Variants in PCNX2 observed in about 807,000 individuals in gnomAD.
PCNX2 encodes the protein pecanex 2, also known as pecanex-like protein 2.
Under a neutral mutation model 223.8 loss-of-function variants are expected in PCNX2, and 168 were observed. The observed-to-expected ratio is 0.75, with a 90% CI of 0.66 to 0.85. The LOEUF (loss-of-function observed/expected upper bound fraction) is 0.85, where lower values mean the gene tolerates loss of function less well. Ranked by LOEUF, PCNX2 falls within the 40% of genes least tolerant of loss-of-function variation. The pLI, the probability that PCNX2 is intolerant of heterozygous loss-of-function variation, is 0.00. For missense variants in PCNX2, 2,507 were observed against 2,675.5 expected (o/e 0.94, Z 1.39); for synonymous variants, 1,006 against 1,052.6 (o/e 0.96, Z 0.86).
chr1:233,110,167 TAAAC>T (rs1351906725), intron 21 of PCNX2, among the ~76,000 whole-genome samples: 3 of 151,674 alleles, frequency 2.0e-5, no homozygotes, highest in South Asian at 2.1e-4. Flanking sequence ...AATGAATAAA[TAAAC>T]AAACAACAAA....
intron 23 of PCNX2, among the ~76,000 whole-genome samples, chr1:233,085,422 G>A (rs1379021482): frequency 6.6e-6 from 1 of 152,042 alleles, no homozygotes; most frequent in East Asian, 1.9e-4. Context: ...AGAATTGAAG[G>A]TATATATAGA....
At chr1:233,123,239 A>G (rs1184909756) in intron 21 of PCNX2, among the ~76,000 whole-genome samples, 1 of 152,186 alleles carries the variant, frequency 6.6e-6, no homozygotes, top group African/African-American at 2.4e-5. Flanking sequence ...TCTCTATACT[A>G]TCTTCATGTC....
At chr1:233,143,427 C>T (rs1333465453) in intron 19 of PCNX2, among the ~76,000 whole-genome samples, 2 of 152,190 alleles carry the variant, frequency 1.3e-5, no homozygotes, top group Admixed American at 6.5e-5. Flanking sequence ...CTAAGTGATG[C>T]AAATACTCCT....
chr1:233,320,390 A>AT, the PCNX2 span, among the ~76,000 whole-genome samples: 2,609 of 151,640 alleles, frequency 0.017, 28 homozygotes, highest in Non-Finnish European at 0.026. Context: ...GTTCTATGTG[A>AT]TTTTATCACA....
At chr1:233,235,625 A>AGAGTCTC (rs1491239785) in intron 9 of PCNX2, among the ~76,000 whole-genome samples, 5 of 147,426 alleles carry the variant, frequency 3.4e-5, no homozygotes, top group Admixed American at 3.3e-4. Flanking sequence ...TGTTTGAGAC[A>AGAGTCTC]GAGTCTCGCT....
chr1:233,024,370 T>C (rs1197266170), intron 26 of PCNX2, among the ~76,000 whole-genome samples: 1 of 152,218 alleles, frequency 6.6e-6, no homozygotes, highest in African/African-American at 2.4e-5. Flanking sequence ...GCTTCCTCTT[T>C]TTGAACAGCA....
chr1:233,052,412 C>T (rs918197283), intron 25 of PCNX2, among the ~76,000 whole-genome samples: 1 of 152,102 alleles, frequency 6.6e-6, no homozygotes, highest in Admixed American at 6.5e-5. Flanking sequence ...TACCTATAAC[C>T]ACTTCCAAAC....
chr1:233,234,218 A>G (rs1239547086), intron 9 of PCNX2, among the ~76,000 whole-genome samples: 1 of 152,198 alleles, frequency 6.6e-6, no homozygotes, highest in African/African-American at 2.4e-5. Context: ...AACCTATTTA[A>G]TTTTTATTTT....
chr1:233,312,085 A>G, the PCNX2 span, among the ~76,000 whole-genome samples: 1 of 152,066 alleles, frequency 6.6e-6, no homozygotes, highest in Non-Finnish European at 1.5e-5. Flanking sequence ...CCAAGACCTC[A>G]CCACTGCACT....
At chr1:233,161,511 G>A (rs2102822894) in intron 17 of PCNX2, 148 bp from the exon 18 acceptor site, 1 of 662,894 alleles carries the variant, frequency 1.5e-6, no homozygotes, top group South Asian at 1.8e-5. Flanking sequence ...GGCACATACT[G>A]GATGGGCTGT....
At chr1:232,988,640 AATTCC>A (rs1669583104) in intron 32 of PCNX2, among the ~76,000 whole-genome samples, 1 of 152,142 alleles carries the variant, frequency 6.6e-6, no homozygotes, top group East Asian at 1.9e-4. Flanking sequence ...CGTGGCACTT[AATTCC>A]TTTGTCTTTG....
chr1:233,289,948 GA>G (rs1661663305), intron 1 of PCNX2, among the ~76,000 whole-genome samples: 1 of 152,190 alleles, frequency 6.6e-6, no homozygotes, highest in Admixed American at 6.5e-5. Flanking sequence ...CCTCTTTGGA[GA>G]GGCTACCTTT....
chr1:233,201,998 A>G (rs1681142831), intron 13 of PCNX2: 1 of 325,314 alleles, frequency 3.1e-6, no homozygotes, highest in South Asian at 2.7e-5. Context: ...AGGTCCATGC[A>G]CTAGATCCTC....
At chr1:233,099,014 C>T (rs1049975195) in intron 21 of PCNX2, among the ~76,000 whole-genome samples, 1 of 152,198 alleles carries the variant, frequency 6.6e-6, no homozygotes, top group Non-Finnish European at 1.5e-5. Context: ...CTTCCCAAAA[C>T]TGAAACTTAC....
intron 23 of PCNX2, among the ~76,000 whole-genome samples, chr1:233,074,485 C>T (rs1010426114): frequency 1.7e-4 from 25 of 147,188 alleles, no homozygotes; most frequent in African/African-American, 5.4e-4. Flanking sequence ...GTCCCAGCTA[C>T]TTGGGAGGCT....
At chr1:233,103,051 G>A (rs1447835536) in intron 21 of PCNX2, among the ~76,000 whole-genome samples, 2 of 152,002 alleles carry the variant, frequency 1.3e-5, no homozygotes, top group African/African-American at 4.8e-5. Context: ...TTTTGTGTAT[G>A]GTGAGAGATA....
At chr1:233,278,764 T>C (rs973825582) in intron 1 of PCNX2, among the ~76,000 whole-genome samples, 1 of 152,180 alleles carries the variant, frequency 6.6e-6, no homozygotes, top group Non-Finnish European at 1.5e-5. Context: ...GCAAGTCTTG[T>C]TGCTAACATA....
chr1:233,321,454 T>C, the PCNX2 span, among the ~76,000 whole-genome samples: 1 of 152,078 alleles, frequency 6.6e-6, no homozygotes, highest in African/African-American at 2.4e-5. Flanking sequence ...GGAGCCACCA[T>C]GCCTGCCTAA....
chr1:233,057,812 A>G, intron 23 of PCNX2: 1 of 932,236 alleles, frequency 1.1e-6, no homozygotes. Context: ...GTGAGCCGAG[A>G]TTGCACCACT....
Sources: allele counts gnomAD v4.1 joint callset (sites outside exome capture counted in the v4.1 genomes callset), GRCh38; gene constraint gnomAD v4.1.1; transcripts MANE v1.5; gene names NCBI Gene and HGNC (gene_info 2026-07-23, HGNC 2026-07-21).